CERS1: variants seen among roughly 807,000 people sequenced by gnomAD.
CERS1 encodes Embryonic growth/differentiation factor 1.
Under a neutral mutation model 35.7 loss-of-function variants are expected in CERS1, and 16 were observed. The observed-to-expected ratio is 0.45, with a 90% confidence interval of 0.30 to 0.68. The LOEUF (loss-of-function observed/expected upper bound fraction) is 0.68. CERS1 is among the 30% of genes least tolerant of loss of function. The probability of loss-of-function intolerance (pLI) is 0.08; values close to 1 mark genes in which losing one functional copy is unlikely to be tolerated. For synonymous variants in CERS1, 243 were observed against 201.6 expected, an observed-to-expected ratio of 1.21 and a Z score of -1.74; for missense variants, 454 against 453.9, an observed-to-expected ratio of 1.00 and a Z score of 0.00.
chr19:18,878,027 G>T lies in CERS1; in HGVS notation c.1010+903C>A, dbSNP rs1010284824. 3 of 985,464 alleles carry T rather than the reference G, an allele frequency of 3.0e-6. No homozygotes were observed. Among genetic ancestry groups the T allele is most frequent in the Non-Finnish European group, 3.6e-6 (3 of 829,970 alleles). The allele number at this position is 985,464 out of a possible 1,614,324, so 61.0% of individuals were successfully genotyped here. On this transcript the variant is annotated intron_variant, in intron 6 of 7. Coordinates refer to ENST00000623882, the MANE Select transcript of CERS1 (RefSeq NM_021267.5). This position sits in a 1 kb window ranked among gnomAD's most constrained non-coding sequence, Gnocchi z 4.6. Reference sequence around the variant, plus strand: ...CGCTCCTCTGCCTGGCTACAGCCCCGGATGTGTTAAATGTCTGCATCTCGC... The same window carrying T: ...CGCTCCTCTGCCTGGCTACAGCCCCTGATGTGTTAAATGTCTGCATCTCGC...
intron 6 of CERS1, chr19:18,877,952 C>A: frequency 1.0e-6 from 1 of 983,856 alleles, no homozygotes; most frequent in Non-Finnish European, 1.2e-6. Flanking sequence ...TCATCTACAC[C>A]CAAGGCGAAT....
In CERS1 at chr19:18,884,091, A is replaced by C. The variant is rs1184304135; in HGVS notation, c.586T>G (p.Phe196Val). The C allele has an allele frequency of 3.7e-6, 6 of 1,611,940 alleles. No individual in the cohort carries two copies. The highest frequency in any genetic ancestry group is 5.1e-6 in the Non-Finnish European group (6 of 1,178,704). ...TLILIVSSYA[F>V]RYHNVGILVL... Reference sequence around the variant, plus strand: ...GCCACCCGATCCTGTCCTTACCGGAAGGCGTAGGAGGAGACGATGAGGATG... The same window carrying C: ...GCCACCCGATCCTGTCCTTACCGGACGGCGTAGGAGGAGACGATGAGGATG... The change falls in exon 3 of 8, where the codon TTC becomes GTC. Residue 196 changes from phenylalanine to valine, a missense_variant. Coordinates refer to ENST00000623882, the MANE Select transcript of CERS1 (RefSeq NM_021267.5).
At chr19:18,896,937 C>T (rs1334064104), upstream of CERS1, among the ~76,000 whole-genome samples, 1 of 151,114 alleles carries the variant, frequency 6.6e-6, no homozygotes, top group Non-Finnish European at 1.5e-5. This position sits in a 1 kb window ranked among gnomAD's most constrained non-coding sequence, Gnocchi z 5.9. Flanking sequence ...GGGGGGGGCT[C>T]CCCAACATCA....
intron 7 of CERS1, among the ~76,000 whole-genome samples, 167 bp downstream of exon 7, chr19:18,869,816 A>C (rs2055931658): frequency 6.6e-6 from 1 of 151,902 alleles, no homozygotes; most frequent in African/African-American, 2.4e-5. Flanking sequence ...CCCGGCGTGC[A>C]GCAGATGACG....
Position 18,873,840 on chromosome 19 carries a change from C to CGA in CERS1, c.1011-3223_1011-3222dup, listed in dbSNP as rs557407143. ...TGGGTGACAGAGCGAGACTCTGTCT[C>CGA]GAAAAAAAAAAAAAAAGAAGAAGAA... On this transcript the variant is annotated intron_variant, in intron 6 of 7. Transcript: ENST00000623882. Among the ~76,000 whole-genome samples, 422 of 132,050 alleles carry CGA rather than the reference C, an allele frequency of 3.2e-3. 1 individual carries two copies. Among genetic ancestry groups the CGA allele is most frequent in the Non-Finnish European group, 5.0e-3 (315 of 63,008 alleles). 86.6% of individuals were successfully genotyped at this position (132,050 alleles called of 152,430 possible).
In CERS1 at chr19:18,869,242, G is replaced by A. The variant is rs772483004; in HGVS notation, c.*743C>T. The A allele has an allele frequency of 2.1e-6, 3 of 1,420,244 alleles. No homozygotes were observed. Among genetic ancestry groups the A allele is most frequent in the South Asian group, 1.5e-5 (1 of 68,554 alleles). 88.0% of individuals were successfully genotyped at this position (1,420,244 alleles called of 1,614,324 possible). ...CGCTCAGCTCCCAGCCGCCCTCCGGGGCTGCCGCCGCCGCCGCCGCGAAAC... is the reference window on the plus strand; with the variant it reads ...CGCTCAGCTCCCAGCCGCCCTCCGGAGCTGCCGCCGCCGCCGCCGCGAAAC... On this transcript the variant is annotated 3_prime_UTR_variant, in exon 8 of 8. Transcript: ENST00000623882.
Position 18,868,754 on chromosome 19 carries a change from C to T in CERS1, c.*1231G>A. On this transcript the variant is annotated 3_prime_UTR_variant, in exon 8 of 8. Coordinates refer to ENST00000623882, the MANE Select transcript of CERS1 (RefSeq NM_021267.5). ...CGGGGCGGCCGCGTGCATGAGCGCG[C>T]GCAGCACAGCGTGGTTGAGCGCCGG... is the stretch of plus-strand genomic sequence containing the variant. 1.3e-6 allele frequency: 2 copies of T among 1,516,672 alleles called. No individual in the cohort carries two copies. The highest frequency in any genetic ancestry group is 8.9e-7 in the Non-Finnish European group (1 of 1,126,806). The allele number at this position is 1,516,672 out of a possible 1,614,324, so 94.0% of individuals were successfully genotyped here.
Position 18,878,381 on chromosome 19 carries a change from C to T in CERS1, c.1010+549G>A. On this transcript the variant is annotated intron_variant, in intron 6 of 7. Coordinates refer to ENST00000623882, the MANE Select transcript of CERS1 (RefSeq NM_021267.5). This position sits in a 1 kb window ranked among gnomAD's most constrained non-coding sequence, Gnocchi z 4.6. ...GAGGCTCGTGGGCTATCTCCTTCCC[C>T]AGGACTCCCACCTGGGCTGGACTGA... 2 of 986,992 alleles carry T rather than the reference C, an allele frequency of 2.0e-6. No homozygotes were observed. The highest frequency in any genetic ancestry group is 2.4e-6 in the Non-Finnish European group (2 of 831,118). 61.1% of individuals were successfully genotyped at this position (986,992 alleles called of 1,614,324 possible).
At chr19:18,875,258 GA>G (rs950831735) in intron 6 of CERS1, among the ~76,000 whole-genome samples, 1 of 147,970 alleles carries the variant, frequency 6.8e-6, no homozygotes, top group African/African-American at 2.5e-5. Flanking sequence ...AAGAAAGAAA[GA>G]AACAGGCTGG....
At position 18,895,758 on chromosome 19, in the gene CERS1, C is replaced by A; in HGVS notation, c.249+66G>T. ...GGAAGAAAGGAACGCGCCGGCGGCC[C>A]CAGGTCCCCGGTCCCGGCTTCCCCC... On this transcript the variant is annotated intron_variant, in intron 1 of 7. Transcript: ENST00000623882. The surrounding 1 kb of genome is among the most constrained non-coding windows in gnomAD (Gnocchi z 6.4). The A allele has an allele frequency of 2.1e-6, 2 of 933,224 alleles. No individual in the cohort carries two copies. Among genetic ancestry groups the A allele is most frequent in the South Asian group, 3.2e-5 (1 of 31,594 alleles). 57.8% of individuals were successfully genotyped at this position (933,224 alleles called of 1,614,324 possible).
At chr19:18,883,761 C>T (rs565063587) in intron 3 of CERS1, among the ~76,000 whole-genome samples, 55 of 152,240 alleles carry the variant, frequency 3.6e-4, no homozygotes, top group African/African-American at 1.3e-3. Context: ...CTCAGGAACT[C>T]CTGGGTGTGT....
Position 18,882,477 on chromosome 19 carries a change from A to G in CERS1, c.590+1610T>C, listed in dbSNP as rs1304139886. ...GTGAAACCCCATCTCTACTAAAAAT[A>G]TAATAATTAGCCGGTGTGATGTCAT... On this transcript the variant is annotated intron_variant, in intron 3 of 7. Transcript: ENST00000623882. Among the ~76,000 whole-genome samples, 3 of 151,590 alleles carry G rather than the reference A, an allele frequency of 2.0e-5. No homozygotes were observed. The East Asian group carries it at 6.1e-4, about 31-fold the overall frequency.
At position 18,892,451 on chromosome 19, in the gene CERS1, A is replaced by G. The variant is rs184541002; in HGVS notation, c.409+965T>C. ...AACACGGTGAAACCCCGTCTCTACT[A>G]AAAATACAAAAAATTAGCCGGGCGT... On this transcript the variant is annotated intron_variant, in intron 2 of 7. Transcript: ENST00000623882. Among the ~76,000 whole-genome samples, 712 of 151,966 alleles carry G rather than the reference A, an allele frequency of 4.7e-3. 6 individuals carry two copies. Among genetic ancestry groups the G allele is most frequent in the African/African-American group, 0.016 (676 of 41,486 alleles).
At chr19:18,881,480 G>A (rs1031268303) in intron 3 of CERS1, among the ~76,000 whole-genome samples, 5 of 151,114 alleles carry the variant, frequency 3.3e-5, no homozygotes, top group South Asian at 4.2e-4. Flanking sequence ...TTGGCCTCCC[G>A]AAGTGCTGGG....
At chr19:18,894,235 T>TAA (rs2056569347) in intron 1 of CERS1, among the ~76,000 whole-genome samples, 4 of 92,746 alleles carry the variant, frequency 4.3e-5, no homozygotes, top group Admixed American at 1.4e-4. Context: ...AAGGCAGGGG[T>TAA]TGGGGAGTGC....
chr19:18,893,321 C>A, intron 2 of CERS1, 95 bp downstream of exon 2: 1 of 1,386,074 alleles, frequency 7.2e-7, no homozygotes, highest in Admixed American at 2.3e-5. Context: ...CTCCAGTGAT[C>A]CTCCTGCTTC....
rs375190418 is a variant in CERS1, at chr19:18,892,836, C to T, written c.409+580G>A. On this transcript the variant is annotated intron_variant, in intron 2 of 7. Coordinates refer to ENST00000623882, the MANE Select transcript of CERS1 (RefSeq NM_021267.5). The stretch of plus-strand genomic sequence containing the variant: ...TACCCCCTTTCCTGTCCCCAGGGAT[C>T]ACCTTTGTCTTGGGGCTGGCTTAAC... Among the ~76,000 whole-genome samples, 12 of 152,294 alleles carry T rather than the reference C, an allele frequency of 7.9e-5. No homozygotes were observed. In the South Asian group the frequency reaches 2.5e-3, roughly 32 times the overall value.
Position 18,870,097 on chromosome 19 carries a change from G to T in CERS1, c.*480C>A, listed in dbSNP as rs1239116792. The T allele has an allele frequency of 4.4e-6, 7 of 1,573,072 alleles. No individual in the cohort carries two copies. The Admixed American group carries it at 7.2e-5, about 16-fold the overall frequency. On this transcript the variant is annotated 3_prime_UTR_variant, in exon 7 of 8. Coordinates refer to ENST00000623882, the MANE Select transcript of CERS1 (RefSeq NM_021267.5). This position sits in a 1 kb window ranked among gnomAD's most constrained non-coding sequence, Gnocchi z 5.1. Reference sequence around the variant, plus strand: ...CGCGAGCCAGACCTGGTCTCCTGGGGGTCCCGGCGTCGAAACAGGCGCCAC... The same window carrying T: ...CGCGAGCCAGACCTGGTCTCCTGGGTGTCCCGGCGTCGAAACAGGCGCCAC...
At chr19:18,883,595 A>C (rs1021810747) in intron 3 of CERS1, among the ~76,000 whole-genome samples, 1 of 152,188 alleles carries the variant, frequency 6.6e-6, no homozygotes, top group African/African-American at 2.4e-5. Context: ...TTGTATGTGA[A>C]GGCTTTGAAG....
Sources: allele counts gnomAD v4.1 joint callset (sites outside exome capture counted in the v4.1 genomes callset), GRCh38; gene constraint gnomAD v4.1.1; non-coding constraint Gnocchi (gnomAD v3.1); transcripts MANE v1.5; gene names NCBI Gene and HGNC (gene_info 2026-07-23, HGNC 2026-07-21).